The following RNGTT variants were observed in gnomAD, a reference collection of about 807,000 sequenced individuals.
RNGTT encodes RNA guanylyltransferase and 5'-phosphatase.
A neutral mutation model predicts 79.3 loss-of-function variants in RNGTT; 33 were observed. The ratio of observed to expected loss-of-function variants is 0.42; its 90% CI spans 0.32 to 0.56. RNGTT has a LOEUF of 0.56. RNGTT is among the 20% of genes least tolerant of loss of function. The pLI is 0.17. For missense variants in RNGTT, 497 were observed against 739.1 expected (o/e 0.67, Z 3.80); for synonymous variants, 222 against 235.9 (o/e 0.94, Z 0.54).
At chr6:88,623,480 G>C (rs1772513325) in intron 14 of RNGTT, among the ~76,000 whole-genome samples, 1 of 151,936 alleles carries the variant, frequency 6.6e-6, no homozygotes, top group Non-Finnish European at 1.5e-5. Context: ...GTGTCCTCCT[G>C]ATCCCTTCCT....
chr6:88,685,569 G>C (rs1167777919), intron 13 of RNGTT, among the ~76,000 whole-genome samples: 1 of 151,658 alleles, frequency 6.6e-6, no homozygotes, highest in African/African-American at 2.4e-5. Flanking sequence ...AAGGAGGAAA[G>C]AGGGAAGGGA....
At chr6:88,826,840 ATATATG>A (rs1282151432) in intron 11 of RNGTT, among the ~76,000 whole-genome samples, 2 of 144,034 alleles carry the variant, frequency 1.4e-5, no homozygotes, top group African/African-American at 5.2e-5. Context: ...ATATATATAT[ATATATG>A]TGTGTGTGTA....
At chr6:88,664,360 C>T (rs1481766414) in intron 14 of RNGTT, among the ~76,000 whole-genome samples, 2 of 152,070 alleles carry the variant, frequency 1.3e-5, no homozygotes, top group Non-Finnish European at 2.9e-5. Flanking sequence ...TTAACATGGC[C>T]TTAGTTAGTC....
intron 11 of RNGTT, among the ~76,000 whole-genome samples, chr6:88,824,180 C>T (rs1562271059): frequency 6.6e-6 from 1 of 152,170 alleles, no homozygotes. Flanking sequence ...TTGGGTGATT[C>T]TGTCATTGTG....
At chr6:88,801,482 G>A in intron 12 of RNGTT, 82 bp downstream of exon 12, 1 of 1,022,538 alleles carries the variant, frequency 9.8e-7, no homozygotes, top group South Asian at 1.5e-5. Context: ...GCATACATGT[G>A]TATGTGTATG....
intron 13 of RNGTT, among the ~76,000 whole-genome samples, chr6:88,730,355 AGTCTGT>A (rs1777065585): frequency 6.6e-6 from 1 of 152,142 alleles, no homozygotes; most frequent in African/African-American, 2.4e-5. Flanking sequence ...GAATTAGTTT[AGTCTGT>A]GCCATCTAAC....
intron 11 of RNGTT, among the ~76,000 whole-genome samples, chr6:88,817,913 A>C (rs1370873286): frequency 2.0e-5 from 3 of 151,664 alleles, no homozygotes; most frequent in Non-Finnish European, 4.4e-5. Flanking sequence ...GCGCCCGCCA[A>C]CACGCCCAGC....
At chr6:88,958,967 G>T (rs1785524266) in intron 1 of RNGTT, among the ~76,000 whole-genome samples, 1 of 152,064 alleles carries the variant, frequency 6.6e-6, no homozygotes, top group African/African-American at 2.4e-5. Flanking sequence ...AAATGCCCAA[G>T]AACCAATGAG....
At chr6:88,647,523 C>T (rs960899803) in intron 14 of RNGTT, among the ~76,000 whole-genome samples, 5 of 151,688 alleles carry the variant, frequency 3.3e-5, no homozygotes, top group Non-Finnish European at 2.9e-5. Flanking sequence ...GAATTTGAGA[C>T]CAGCCTGGGC....
In RNGTT at chr6:88,913,791, A is replaced by G. The variant is rs571007925; in HGVS notation, c.368-7351T>C. On this transcript the variant is annotated intron_variant, in intron 4 of 15. Coordinates refer to ENST00000369485, the MANE Select transcript of RNGTT (RefSeq NM_003800.5). ...AAGCTGGAACCATTCCCCTTAAGAAAAGGAACCAGACAAGGATGCCCACTC... is the reference window on the plus strand; with the variant it reads ...AAGCTGGAACCATTCCCCTTAAGAAGAGGAACCAGACAAGGATGCCCACTC... 3.3e-5 allele frequency among the ~76,000 whole-genome samples: 5 copies of G among 152,290 alleles called. No homozygotes were observed. The East Asian group carries it at 9.6e-4, about 29-fold the overall frequency.
At chr6:88,629,980 GA>G (rs1772787796) in intron 14 of RNGTT, among the ~76,000 whole-genome samples, 1 of 152,076 alleles carries the variant, frequency 6.6e-6, no homozygotes, top group African/African-American at 2.4e-5. Flanking sequence ...ATCACCATGT[GA>G]GTCTTTGAAG....
At chr6:88,722,127 A>G (rs1776729750) in intron 13 of RNGTT, among the ~76,000 whole-genome samples, 1 of 151,206 alleles carries the variant, frequency 6.6e-6, no homozygotes, top group South Asian at 2.1e-4. Flanking sequence ...CAAGGAAAAA[A>G]CAATTCTAAG....
intron 6 of RNGTT, among the ~76,000 whole-genome samples, chr6:88,901,169 T>G (rs915393235): frequency 1.3e-5 from 2 of 150,978 alleles, no homozygotes; most frequent in African/African-American, 4.9e-5. Flanking sequence ...AAAAAAAAAT[T>G]TAAAGGCCTA....
chr6:88,853,366 G>A (rs989482835), intron 9 of RNGTT, among the ~76,000 whole-genome samples: 6 of 152,088 alleles, frequency 3.9e-5, no homozygotes, highest in South Asian at 4.1e-4. Flanking sequence ...TTAGCCGGGC[G>A]TGGTGGCACA....
intron 13 of RNGTT, among the ~76,000 whole-genome samples, chr6:88,694,758 A>T (rs982687533): frequency 2.0e-5 from 3 of 152,162 alleles, no homozygotes; most frequent in African/African-American, 7.2e-5. Context: ...ACGCTGACCA[A>T]TGGAAGAGAA....
At chr6:88,876,507 C>T (rs1782524571) in intron 8 of RNGTT, among the ~76,000 whole-genome samples, 1 of 152,116 alleles carries the variant, frequency 6.6e-6, no homozygotes, top group Non-Finnish European at 1.5e-5. Context: ...ACAGTGAGAC[C>T]CTGTCTCAAA....
chr6:88,833,593 TC>T (rs1780955555), intron 11 of RNGTT, among the ~76,000 whole-genome samples: 1 of 152,190 alleles, frequency 6.6e-6, no homozygotes, highest in African/African-American at 2.4e-5. Context: ...AGAAAAGTAT[TC>T]AGCTGAATGT....
intron 11 of RNGTT, among the ~76,000 whole-genome samples, chr6:88,815,251 A>G (rs1780278506): frequency 1.3e-5 from 2 of 152,208 alleles, no homozygotes; most frequent in South Asian, 4.1e-4. Context: ...GTCATACATC[A>G]TAGCCAGGAA....
Position 88,722,649 on chromosome 6 carries a change from C to T in RNGTT, c.1440-44230G>A, listed in dbSNP as rs115532628. Among the ~76,000 whole-genome samples, 372 of 152,270 alleles carry T rather than the reference C, an allele frequency of 2.4e-3. 2 individuals are homozygous for T. The highest frequency in any genetic ancestry group is 7.2e-3 in the African/African-American group (299 of 41,558). The stretch of plus-strand genomic sequence containing the variant: ...TCTTAGGGCAACCTTAATATTTTGA[C>T]GGGTTTTATTTCCAGGCTTTTGACA... On this transcript the variant is annotated intron_variant, in intron 13 of 15. Transcript: ENST00000369485.
Sources: allele counts gnomAD v4.1 joint callset (sites outside exome capture counted in the v4.1 genomes callset), GRCh38; gene constraint gnomAD v4.1.1; transcripts MANE v1.5; gene names NCBI Gene and HGNC (gene_info 2026-07-23, HGNC 2026-07-21).